LGSN: variants seen among roughly 807,000 people sequenced by gnomAD.
LGSN encodes lengsin, lens protein with glutamine synthetase domain.
A neutral mutation model predicts 19.5 loss-of-function variants in LGSN; 21 were observed. That is an observed-to-expected ratio of 1.07 (90% CI 0.76 to 1.55). The LOEUF is 1.55. LGSN is among the 40% of genes most tolerant of loss of function. The probability of loss-of-function intolerance (pLI) is 0.00; values close to 1 mark genes in which losing one functional copy is unlikely to be tolerated. For missense variants in LGSN, 673 were observed against 608.5 expected, an observed-to-expected ratio of 1.11 and a Z score of -1.12; for synonymous variants, 257 against 215.6, an observed-to-expected ratio of 1.19 and a Z score of -1.68.
chr6:63,572,821 G>T, the LGSN span: 1 of 396,128 alleles, frequency 2.5e-6, no homozygotes, highest in Non-Finnish European at 4.5e-6. Context: ...CCTCCAGGTT[G>T]CCCCGGGTTG....
the LGSN span, among the ~76,000 whole-genome samples, chr6:63,488,447 C>T: frequency 6.6e-6 from 1 of 152,128 alleles, no homozygotes; most frequent in South Asian, 2.1e-4. Context: ...TGCTCCATAC[C>T]TTGATGAGCA....
the LGSN span, among the ~76,000 whole-genome samples, chr6:63,421,804 T>C: frequency 2.0e-5 from 3 of 151,962 alleles, no homozygotes; most frequent in Non-Finnish European, 2.9e-5. Flanking sequence ...AATGAACAAG[T>C]CCTTAGGGAA....
At chr6:63,423,473 CAAA>C in the LGSN span, among the ~76,000 whole-genome samples, 1 of 126,724 alleles carries the variant, frequency 7.9e-6, no homozygotes, top group African/African-American at 2.9e-5. Context: ...CTGTCTCTAC[CAAA>C]AAAAAAAAAA....
the LGSN span, among the ~76,000 whole-genome samples, chr6:63,335,584 G>A: frequency 6.6e-6 from 1 of 152,144 alleles, no homozygotes; most frequent in African/African-American, 2.4e-5. Flanking sequence ...TCAGGGAAAT[G>A]TCAATCAAAA....
chr6:63,539,520 G>A, the LGSN span, among the ~76,000 whole-genome samples: 1 of 152,312 alleles, frequency 6.6e-6, no homozygotes, highest in East Asian at 1.9e-4. Context: ...GCTCACTCCT[G>A]TAATCCCAGC....
chr6:63,329,085 G>T, the LGSN span, among the ~76,000 whole-genome samples: 1 of 152,232 alleles, frequency 6.6e-6, no homozygotes, highest in African/African-American at 2.4e-5. Flanking sequence ...AAGTTCAACA[G>T]ATCTAGAATA....
At chr6:63,412,724 AAAG>A in the LGSN span, among the ~76,000 whole-genome samples, 1 of 38,222 alleles carries the variant, frequency 2.6e-5, no homozygotes. Context: ...GGAAGGAAAG[AAAG>A]AAAGAAAGAA....
the LGSN span, among the ~76,000 whole-genome samples, chr6:63,522,796 T>C: frequency 1.3e-5 from 2 of 152,124 alleles, no homozygotes; most frequent in Non-Finnish European, 2.9e-5. Flanking sequence ...GGGTTCATTT[T>C]AATTACCATG....
At chr6:63,342,471 A>G in the LGSN span, among the ~76,000 whole-genome samples, 18 of 152,342 alleles carry the variant, frequency 1.2e-4, no homozygotes, top group Non-Finnish European at 1.6e-4. Flanking sequence ...ACATGCTATG[A>G]TTCAATAAAT....
the LGSN span, among the ~76,000 whole-genome samples, chr6:63,483,239 G>A: frequency 6.6e-6 from 1 of 152,306 alleles, no homozygotes; most frequent in South Asian, 2.1e-4. Context: ...CAAAGGTCCA[G>A]ATTCTGTCTT....
chr6:63,367,376 C>A, the LGSN span, among the ~76,000 whole-genome samples: 2 of 152,100 alleles, frequency 1.3e-5, no homozygotes, highest in Non-Finnish European at 2.9e-5. Flanking sequence ...AAATGCAAAT[C>A]AAAACCACAA....
rs534352605 is a variant in LGSN, at chr6:63,282,904, C to T, written c.331-1684G>A. On this transcript the variant is annotated intron_variant, in intron 3 of 3. Transcript: ENST00000370657. The stretch of plus-strand genomic sequence containing the variant: ...GCAATAATGTCATTTCCCTGCTTGT[C>T]AGTTTTTTAGTTTGAAATTCTGTAT... Among the ~76,000 whole-genome samples the T allele has an allele frequency of 3.3e-5, 5 of 152,242 alleles. No individual in the cohort carries two copies. In the South Asian group the frequency reaches 1.0e-3, roughly 32 times the overall value.
chr6:63,430,403 A>T, the LGSN span, among the ~76,000 whole-genome samples: 1 of 152,006 alleles, frequency 6.6e-6, no homozygotes, highest in Non-Finnish European at 1.5e-5. Context: ...TATTTTATTT[A>T]TTTTAGACAG....
At chr6:63,383,154 G>T in the LGSN span, among the ~76,000 whole-genome samples, 1 of 151,930 alleles carries the variant, frequency 6.6e-6, no homozygotes, top group Non-Finnish European at 1.5e-5. Flanking sequence ...ATAGAGATAG[G>T]GTATAGCTAT....
the LGSN span, among the ~76,000 whole-genome samples, chr6:63,553,821 C>T: frequency 6.6e-6 from 1 of 152,232 alleles, no homozygotes; most frequent in Admixed American, 6.5e-5. Flanking sequence ...AAAACCATTG[C>T]CCAGCCTGGG....
At chr6:63,287,786 G>T (rs562739791) in intron 2 of LGSN, among the ~76,000 whole-genome samples, 2 of 151,922 alleles carry the variant, frequency 1.3e-5, no homozygotes, top group African/African-American at 4.8e-5. Flanking sequence ...AGGCTATAAA[G>T]AAGACATCTC....
the LGSN span, among the ~76,000 whole-genome samples, chr6:63,517,661 C>T: frequency 6.6e-6 from 1 of 152,098 alleles, no homozygotes; most frequent in Non-Finnish European, 1.5e-5. Context: ...CACATACACA[C>T]ACATATATAT....
chr6:63,436,147 A>G, the LGSN span, among the ~76,000 whole-genome samples: 1 of 152,124 alleles, frequency 6.6e-6, no homozygotes, highest in Non-Finnish European at 1.5e-5. Context: ...CCCTACCACC[A>G]TCTTCATTCT....
At chr6:63,363,724 T>C in the LGSN span, among the ~76,000 whole-genome samples, 1 of 152,150 alleles carries the variant, frequency 6.6e-6, no homozygotes, top group Non-Finnish European at 1.5e-5. Context: ...TTACATCGGA[T>C]TGGTGTACCT....
Sources: gnomAD v4.1 joint callset for allele counts (sites outside exome capture counted in the v4.1 genomes callset) on GRCh38, gnomAD v4.1.1 for gene constraint, MANE v1.5 for transcripts, NCBI Gene and HGNC (gene_info 2026-07-23, HGNC 2026-07-21) for gene names.